The following PIK3CA variants were observed in gnomAD, a reference collection of about 807,000 sequenced individuals.
PIK3CA encodes the protein phosphatidylinositol 4,5-bisphosphate 3-kinase catalytic subunit alpha isoform.
PIK3CA carries 27 observed loss-of-function variants against 138.2 expected under a neutral mutation model. The ratio of observed to expected loss-of-function variants is 0.20; its 90% CI spans 0.14 to 0.27. The LOEUF (loss-of-function observed/expected upper bound fraction) is 0.27, where lower values mean the gene tolerates loss of function less well. PIK3CA is among the 10% of genes least tolerant of loss of function. PIK3CA has a pLI of 1.00. For missense variants in PIK3CA, 544 were observed against 1,277.4 expected (o/e 0.43, Z 8.75); for synonymous variants, 358 against 413.2 (o/e 0.87, Z 1.62).
rs761246978 is a variant in PIK3CA, at chr3:179,210,203, A to T, written c.1269A>T (p.Ala423=). 5.7e-6 allele frequency: 9 copies of T among 1,586,216 alleles called. No individual in the cohort carries two copies. Among genetic ancestry groups the T allele is most frequent in the Non-Finnish European group, 7.7e-6 (9 of 1,172,674 alleles). ...TTTTTAAGGAACACTGTCCATTGGC[A>T]TGGGGAAATATAAACTTGTTTGATT... ...KGAKEEHCPL[A]WGNINLFDYT... The change falls in exon 8 of 21, where the codon GCA becomes GCT. Residue 423 remains alanine, a synonymous_variant. Transcript: ENST00000263967.
intron 1 of PIK3CA, among the ~76,000 whole-genome samples, chr3:179,179,818 A>G (rs1723794294): frequency 6.6e-6 from 1 of 152,214 alleles, no homozygotes; most frequent in Non-Finnish European, 1.5e-5. Context: ...GAATTTAGCA[A>G]AATATTCAAA....
In PIK3CA at chr3:179,198,784, T is replaced by C; in HGVS notation, c.-42T>C. On this transcript the variant is annotated 5_prime_UTR_variant, in exon 2 of 21. Coordinates refer to ENST00000263967, the MANE Select transcript of PIK3CA (RefSeq NM_006218.4). Reference sequence around the variant, plus strand: ...TTGGGACAACCATACATCTAATTCCTTAAAGTAGTTTTATATGTAAAACTT... The same window carrying C: ...TTGGGACAACCATACATCTAATTCCCTAAAGTAGTTTTATATGTAAAACTT... The C allele has an allele frequency of 8.5e-7, 1 of 1,179,116 alleles. No individual in the cohort carries two copies. The highest frequency in any genetic ancestry group is 2.4e-5 in the East Asian group (1 of 41,200). 73.0% of individuals were successfully genotyped at this position (1,179,116 alleles called of 1,614,324 possible). A position where few individuals can be genotyped will look rare whatever the true frequency, so the allele number is the denominator to read the frequency against.
At chr3:179,177,127 A>G (rs931784070) in intron 1 of PIK3CA, among the ~76,000 whole-genome samples, 1 of 152,074 alleles carries the variant, frequency 6.6e-6, no homozygotes, top group African/African-American at 2.4e-5. Flanking sequence ...TGCCTGAACT[A>G]TTTGTAAATT....
intron 16 of PIK3CA, among the ~76,000 whole-genome samples, chr3:179,225,397 G>GGGAGTGAAGGA (rs1471974092): frequency 2.0e-5 from 3 of 152,142 alleles, no homozygotes; most frequent in Non-Finnish European, 2.9e-5. Flanking sequence ...AGGCTATGGG[G>GGGAGTGAAGGA]GGAGTGAAGG....
At position 179,210,668 on chromosome 3, in the gene PIK3CA, A is replaced by C. The variant is rs935176284; in HGVS notation, c.1539+103A>C. On this transcript the variant is annotated intron_variant, in intron 9 of 20. Transcript: ENST00000263967. Reference sequence around the variant, plus strand: ...ATCCATATATTTTACTGGCATAGATACTATGAACTCTAGGACCAATATTGC... The same window carrying C: ...ATCCATATATTTTACTGGCATAGATCCTATGAACTCTAGGACCAATATTGC... 3 of 1,102,276 alleles carry C rather than the reference A, an allele frequency of 2.7e-6. No individual in the cohort carries two copies. The African/African-American group carries it at 4.8e-5, about 18-fold the overall frequency. The allele number at this position is 1,102,276 out of a possible 1,614,324, so 68.3% of individuals were successfully genotyped here. A position where few individuals can be genotyped will look rare whatever the true frequency, so the allele number is the denominator to read the frequency against.
chr3:179,148,476 G>A lies in PIK3CA; in HGVS notation c.-204G>A, dbSNP rs1722911782. On this transcript the variant is annotated 5_prime_UTR_variant, in exon 1 of 21. Coordinates refer to ENST00000263967, the MANE Select transcript of PIK3CA (RefSeq NM_006218.4). ...GGGCCCGGCCGGGCAGCTCCGGAGC[G>A]GCGGGGGAGAGGGGCCGGGAGGCGG... is the stretch of plus-strand genomic sequence containing the variant. 1 of 151,040 alleles carries A rather than the reference G, an allele frequency of 6.6e-6. No individual in the cohort carries two copies. The highest frequency in any genetic ancestry group is 1.5e-5 in the Non-Finnish European group (1 of 67,606). The allele number at this position is 151,040 out of a possible 1,614,324, so 9.4% of individuals were successfully genotyped here. A position where few individuals can be genotyped will look rare whatever the true frequency, so the allele number is the denominator to read the frequency against.
chr3:179,181,705 T>A (rs1286016620), intron 1 of PIK3CA, among the ~76,000 whole-genome samples: 8 of 152,206 alleles, frequency 5.3e-5, no homozygotes, highest in Non-Finnish European at 1.2e-4. Context: ...TTTCCTTATG[T>A]TCCTCAAAAT....
At position 179,238,687 on chromosome 3, in the gene PIK3CA, C is replaced by G. The variant is rs3865694; in HGVS notation, c.*4323C>G. 4.4e-6 allele frequency: 1 copy of G among 226,694 alleles called. No homozygotes were observed. Among genetic ancestry groups the G allele is most frequent in the Non-Finnish European group, 8.8e-6 (1 of 113,974 alleles). 14.0% of individuals were successfully genotyped at this position (226,694 alleles called of 1,614,324 possible). A position where few individuals can be genotyped will look rare whatever the true frequency, so the allele number is the denominator to read the frequency against. ...AAAAAGGCAATAGTTTGAGGAGGTT[C>G]CCGAATTCGGCATTTGAAATTCATT... On this transcript the variant is annotated 3_prime_UTR_variant, in exon 21 of 21. Transcript: ENST00000263967.
At chr3:179,166,496 T>G (rs1202110504) in intron 1 of PIK3CA, among the ~76,000 whole-genome samples, 1 of 126,834 alleles carries the variant, frequency 7.9e-6, no homozygotes, top group Non-Finnish European at 1.7e-5. Context: ...CCTATTCCTC[T>G]AGGGTATGAA....
chr3:179,230,599 T>G lies in PIK3CA; in HGVS notation c.2936+223T>G, dbSNP rs922562122. Among the ~76,000 whole-genome samples, 2 of 151,846 alleles carry G rather than the reference T, an allele frequency of 1.3e-5. No individual in the cohort carries two copies. Among genetic ancestry groups the G allele is most frequent in the Non-Finnish European group, 2.9e-5 (2 of 67,940 alleles). ...AGAGAATTCATGTCTACAAAAAAAT[T>G]TAAAAAGTAGCCAGGCGTGGTGGCA... On this transcript the variant is annotated intron_variant, in intron 20 of 20. Transcript: ENST00000263967. The surrounding 1 kb of genome is among the most constrained non-coding windows in gnomAD (Gnocchi z 5.4).
intron 1 of PIK3CA, among the ~76,000 whole-genome samples, chr3:179,159,564 C>T (rs1723224763): frequency 6.6e-6 from 1 of 152,132 alleles, no homozygotes; most frequent in African/African-American, 2.4e-5. Flanking sequence ...CACTTCATTT[C>T]CATGATTAGG....
rs1164255348 is a variant in PIK3CA, at chr3:179,224,075, A to T, written c.2188-6A>T. Reference sequence around the variant, plus strand: ...CTTACTGTGACTATCCTTTTTTTTTAATCAGGTACAGATGAAGTTTTTAGT... The same window carrying T: ...CTTACTGTGACTATCCTTTTTTTTTTATCAGGTACAGATGAAGTTTTTAGT... On this transcript the variant is annotated splice_region_variant and splice_polypyrimidine_tract_variant and intron_variant, in intron 14 of 20. Transcript: ENST00000263967. The T allele has an allele frequency of 6.7e-7, 1 of 1,489,826 alleles. No homozygotes were observed. The highest frequency in any genetic ancestry group is 1.8e-5 in the Admixed American group (1 of 57,092). The allele number at this position is 1,489,826 out of a possible 1,614,324, so 92.3% of individuals were successfully genotyped here.
Position 179,219,452 on chromosome 3 carries a change from C to A in PIK3CA, c.1747-119C>A. The stretch of plus-strand genomic sequence containing the variant: ...ATAAAACTAATTAGAACTGTAAATT[C>A]TAAGGAGATTATTTATCTAAACTAA... On this transcript the variant is annotated intron_variant, in intron 11 of 20. Transcript: ENST00000263967. The surrounding 1 kb of genome is among the most constrained non-coding windows in gnomAD (Gnocchi z 4.2). 1 of 688,132 alleles carries A rather than the reference C, an allele frequency of 1.5e-6. No homozygotes were observed. The highest frequency in any genetic ancestry group is 2.4e-6 in the Non-Finnish European group (1 of 408,898). 42.6% of individuals were successfully genotyped at this position (688,132 alleles called of 1,614,324 possible). A position where few individuals can be genotyped will look rare whatever the true frequency, so the allele number is the denominator to read the frequency against.
At chr3:179,209,797 T>C (rs942050646) in intron 7 of PIK3CA, 97 bp downstream of exon 7, 5 of 571,990 alleles carry the variant, frequency 8.7e-6, no homozygotes, top group African/African-American at 5.9e-5. Flanking sequence ...TATTTTATAT[T>C]TAAGAAAATA....
intron 1 of PIK3CA, among the ~76,000 whole-genome samples, chr3:179,173,556 G>A (rs367882528): frequency 6.6e-6 from 1 of 151,758 alleles, no homozygotes; most frequent in East Asian, 1.9e-4. Context: ...TCCAGCCTGG[G>A]TGACAGAGGG....
At chr3:179,215,423 A>G (rs1473999710) in intron 9 of PIK3CA, among the ~76,000 whole-genome samples, 8 of 152,206 alleles carry the variant, frequency 5.3e-5, no homozygotes, top group Non-Finnish European at 1.2e-4. Context: ...AATCTAAGAT[A>G]CGACATGGAA....
intron 1 of PIK3CA, among the ~76,000 whole-genome samples, chr3:179,166,277 C>T (rs1235942037): frequency 6.6e-6 from 1 of 152,212 alleles, no homozygotes; most frequent in Non-Finnish European, 1.5e-5. Context: ...GGCTTCTTTT[C>T]TGGTTTTGGT....
chr3:179,170,368 A>G (rs536858874), intron 1 of PIK3CA, among the ~76,000 whole-genome samples: 22 of 152,354 alleles, frequency 1.4e-4, no homozygotes, highest in African/African-American at 4.3e-4. Flanking sequence ...AGTGAAGCCA[A>G]TGTTGGTAAC....
Position 179,201,236 on chromosome 3 carries a change from C to T in PIK3CA, c.563-54C>T, listed in dbSNP as rs535774183. On this transcript the variant is annotated intron_variant, in intron 3 of 20. Coordinates refer to ENST00000263967, the MANE Select transcript of PIK3CA (RefSeq NM_006218.4). The stretch of plus-strand genomic sequence containing the variant: ...ATAGTGAATACTTGTTGAAATTTCT[C>T]CCTTGAAAAATGAAAGAGAGATGGT... The T allele has an allele frequency of 1.2e-5, 18 of 1,473,088 alleles. No homozygotes were observed. In the East Asian group the frequency reaches 3.4e-4, roughly 28 times the overall value. 91.3% of individuals were successfully genotyped at this position (1,473,088 alleles called of 1,614,324 possible). A position where few individuals can be genotyped will look rare whatever the true frequency, so the allele number is the denominator to read the frequency against.
Sources: allele counts gnomAD v4.1 joint callset (sites outside exome capture counted in the v4.1 genomes callset), GRCh38; gene constraint gnomAD v4.1.1; non-coding constraint Gnocchi (gnomAD v3.1); transcripts MANE v1.5; gene names NCBI Gene and HGNC (gene_info 2026-07-23, HGNC 2026-07-21).